Variants in MYT1L observed in about 807,000 individuals in gnomAD.
MYT1L encodes the protein myelin transcription factor 1-like protein.
A neutral mutation model predicts 126.7 loss-of-function variants in MYT1L; 12 were observed. The observed-to-expected ratio is 0.09, with a 90% CI of 0.06 to 0.15. The LOEUF is 0.15. Ranked by LOEUF, MYT1L falls within the 10% of genes least tolerant of loss-of-function variation. The probability of loss-of-function intolerance (pLI) is 1.00; values close to 1 mark genes in which losing one functional copy is unlikely to be tolerated. For synonymous variants in MYT1L, 541 were observed against 604.2 expected, an observed-to-expected ratio of 0.90 and a Z score of 1.53; for missense variants, 979 against 1,585.2, an observed-to-expected ratio of 0.62 and a Z score of 6.49.
At chr2:2,007,767 A>G (rs982828571) in intron 4 of MYT1L, among the ~76,000 whole-genome samples, 3 of 152,110 alleles carry the variant, frequency 2.0e-5, no homozygotes, top group Admixed American at 6.5e-5. Context: ...AAATTCTGGG[A>G]GTGGAAGATC....
intron 3 of MYT1L, among the ~76,000 whole-genome samples, chr2:2,083,146 G>T (rs2076009429): frequency 6.6e-6 from 1 of 152,184 alleles, no homozygotes; most frequent in Non-Finnish European, 1.5e-5. Flanking sequence ...GGTTTTAAAT[G>T]CAATGCACTC....
Position 1,910,165 on chromosome 2 carries a change from C to T in MYT1L, c.1817+75G>A, listed in dbSNP as rs572010718. ...TGCTGCTGTAGGGACATGCCCTGAG[C>T]GGGTGTCCCCAGCGCTCCGAGGTGT... On this transcript the variant is annotated intron_variant, in intron 13 of 24. Transcript: ENST00000647738. This position sits in a 1 kb window ranked among gnomAD's most constrained non-coding sequence, Gnocchi z 4.8. 1.7e-4 allele frequency: 227 copies of T among 1,326,488 alleles called. No individual in the cohort carries two copies. The highest frequency in any genetic ancestry group is 9.1e-4 in the Middle Eastern group (5 of 5,484). 82.2% of individuals were successfully genotyped at this position (1,326,488 alleles called of 1,614,324 possible).
At chr2:2,140,108 G>A (rs563716726) in intron 3 of MYT1L, among the ~76,000 whole-genome samples, 5 of 152,076 alleles carry the variant, frequency 3.3e-5, no homozygotes, top group African/African-American at 1.2e-4. Context: ...CATGTATATC[G>A]GCAGATTGAA....
chr2:2,162,152 T>C (rs1332141152), intron 3 of MYT1L, among the ~76,000 whole-genome samples: 1 of 152,160 alleles, frequency 6.6e-6, no homozygotes, highest in African/African-American at 2.4e-5. Flanking sequence ...GAGTCCTCCC[T>C]GAAGGCAGAC....
intron 8 of MYT1L, among the ~76,000 whole-genome samples, chr2:1,966,654 T>A (rs2059383403): frequency 6.6e-6 from 1 of 152,044 alleles, no homozygotes; most frequent in South Asian, 2.1e-4. Flanking sequence ...ACTAAATACA[T>A]TTGAACAATA....
At chr2:2,329,416 C>G (rs887922736) in intron 1 of MYT1L, among the ~76,000 whole-genome samples, 1 of 151,944 alleles carries the variant, frequency 6.6e-6, no homozygotes, top group Admixed American at 6.6e-5. Context: ...CAAAAGACAA[C>G]AACATAATCC....
At chr2:2,298,183 C>A (rs1046785412) in intron 1 of MYT1L, among the ~76,000 whole-genome samples, 2 of 152,204 alleles carry the variant, frequency 1.3e-5, no homozygotes, top group African/African-American at 4.8e-5. Context: ...AAACCACTGA[C>A]ACAAACACAT....
At chr2:1,798,885 C>G (rs548362183) in intron 23 of MYT1L, among the ~76,000 whole-genome samples, 1 of 152,230 alleles carries the variant, frequency 6.6e-6, no homozygotes, top group Non-Finnish European at 1.5e-5. Flanking sequence ...GGGCTCCTGG[C>G]TGTGGGCGCA....
chr2:2,051,229 C>T (rs571767980), intron 4 of MYT1L, among the ~76,000 whole-genome samples: 5 of 152,298 alleles, frequency 3.3e-5, no homozygotes, highest in Admixed American at 6.5e-5. Context: ...TAGTATTCCA[C>T]GTCCATTACT....
chr2:2,230,595 G>A (rs1031930754), intron 2 of MYT1L, among the ~76,000 whole-genome samples: 2 of 152,198 alleles, frequency 1.3e-5, no homozygotes, highest in Non-Finnish European at 2.9e-5. Flanking sequence ...GGTGACATGT[G>A]ACAGTGTCAG....
At chr2:1,863,046 A>C (rs1299244389) in intron 18 of MYT1L, among the ~76,000 whole-genome samples, 1 of 152,212 alleles carries the variant, frequency 6.6e-6, no homozygotes, top group Non-Finnish European at 1.5e-5. Flanking sequence ...CCAGATGGAC[A>C]CTGGGAATGG....
At chr2:2,168,096 AC>A (rs1357236535) in intron 3 of MYT1L, among the ~76,000 whole-genome samples, 1 of 152,214 alleles carries the variant, frequency 6.6e-6, no homozygotes, top group Non-Finnish European at 1.5e-5. Flanking sequence ...ACTCAAAAAA[AC>A]AGGTGACTTC....
chr2:2,307,231 G>A (rs544265874), intron 1 of MYT1L, among the ~76,000 whole-genome samples: 16 of 152,294 alleles, frequency 1.1e-4, no homozygotes, highest in Admixed American at 5.9e-4. Flanking sequence ...ATTTCTGTAT[G>A]AAATAGAAAG....
In MYT1L at chr2:1,790,719, G is replaced by C. The variant is rs980335577; in HGVS notation, c.*1148C>G. ...GGGGGAGCAGGAGGGAAACTTTACC[G>C]AGCTGCCTTCCCACCAGATCCAGCA... On this transcript the variant is annotated 3_prime_UTR_variant, in exon 25 of 25. Coordinates refer to ENST00000647738, the MANE Select transcript of MYT1L (RefSeq NM_001303052.2). The C allele has an allele frequency of 6.5e-6, 1 of 154,890 alleles. No homozygotes were observed. The highest frequency in any genetic ancestry group is 1.4e-5 in the Non-Finnish European group (1 of 69,724). 9.6% of individuals were successfully genotyped at this position (154,890 alleles called of 1,614,324 possible). A position where few individuals can be genotyped will look rare whatever the true frequency, so the allele number is the denominator to read the frequency against.
intron 2 of MYT1L, among the ~76,000 whole-genome samples, chr2:2,230,058 A>G (rs747003928): frequency 3.3e-5 from 5 of 152,180 alleles, no homozygotes; most frequent in African/African-American, 4.8e-5. Context: ...CTTTTCCTTC[A>G]TGTAAATTAC....
intron 18 of MYT1L, among the ~76,000 whole-genome samples, chr2:1,878,228 G>A (rs767099201): frequency 1.6e-4 from 25 of 152,164 alleles, no homozygotes; most frequent in Non-Finnish European, 8.8e-5. Context: ...ATCTCACCGT[G>A]CAGCTTGCAG....
chr2:2,037,275 T>G (rs964094839), intron 4 of MYT1L, among the ~76,000 whole-genome samples: 1 of 152,210 alleles, frequency 6.6e-6, no homozygotes. Context: ...CTACGGTAAC[T>G]GGGAAAGTGC....
At chr2:1,873,958 G>GGA (rs1406436255) in intron 18 of MYT1L, among the ~76,000 whole-genome samples, 1 of 152,014 alleles carries the variant, frequency 6.6e-6, no homozygotes, top group Non-Finnish European at 1.5e-5. Context: ...CAAAGATACC[G>GGA]GACTCTATGA....
At chr2:2,111,730 T>A (rs1267293010) in intron 3 of MYT1L, among the ~76,000 whole-genome samples, 1 of 152,178 alleles carries the variant, frequency 6.6e-6, no homozygotes, top group Non-Finnish European at 1.5e-5. Context: ...GGATTGTGTG[T>A]GAATATTTTC....
Sources: gnomAD v4.1 joint callset for allele counts (sites outside exome capture counted in the v4.1 genomes callset) on GRCh38, gnomAD v4.1.1 for gene constraint, Gnocchi (gnomAD v3.1) non-coding constraint, MANE v1.5 for transcripts, NCBI Gene and HGNC (gene_info 2026-07-23, HGNC 2026-07-21) for gene names.